Variants in MROH2B observed in about 807,000 individuals in gnomAD.
MROH2B encodes maestro heat like repeat family member 2B, also known as maestro heat-like repeat-containing protein family member 2B.
A neutral mutation model predicts 208.6 loss-of-function variants in MROH2B; 177 were observed. That is an observed-to-expected ratio of 0.85 (90% CI 0.75 to 0.96). The LOEUF (loss-of-function observed/expected upper bound fraction) is 0.96. Among genes scored for constraint, MROH2B ranks in the 40% least tolerant of loss-of-function variants. The pLI is 0.00. For missense variants in MROH2B, 2,002 were observed against 1,878.7 expected (o/e 1.07, Z -1.21); for synonymous variants, 728 against 659.0 (o/e 1.10, Z -1.60).
chr5:41,015,911 G>T (rs1561280483), intron 28 of MROH2B, among the ~76,000 whole-genome samples: 1 of 152,234 alleles, frequency 6.6e-6, no homozygotes, highest in South Asian at 2.1e-4. Context: ...AAACTGAAAA[G>T]TAACTACTGT....
intron 15 of MROH2B, among the ~76,000 whole-genome samples, chr5:41,048,723 C>A (rs1743197837): frequency 6.6e-6 from 1 of 152,052 alleles, no homozygotes; most frequent in South Asian, 2.1e-4. Context: ...AAAGAATTAA[C>A]ACTTAGATAT....
At chr5:41,029,274 T>A (rs978639951) in intron 24 of MROH2B, among the ~76,000 whole-genome samples, 1 of 152,306 alleles carries the variant, frequency 6.6e-6, no homozygotes, top group Non-Finnish European at 1.5e-5. Flanking sequence ...TATCTTCTTT[T>A]GAGAAATGTC....
intron 21 of MROH2B, 82 bp from the exon 22 acceptor site, chr5:41,033,946 T>C: frequency 7.0e-7 from 1 of 1,423,364 alleles, no homozygotes; most frequent in Non-Finnish European, 9.4e-7. Flanking sequence ...GACTCACCCA[T>C]CAACCTGAAG....
chr5:41,061,613 C>A lies in MROH2B; in HGVS notation c.572G>T (p.Trp191Leu). The A allele has an allele frequency of 3.1e-6, 5 of 1,613,650 alleles. No individual in the cohort carries two copies. The highest frequency in any genetic ancestry group is 4.2e-6 in the Non-Finnish European group (5 of 1,179,734). Residue 191 changes from tryptophan (W) to leucine (L), a missense_variant, in exon 6 of 42, where the codon TGG (tryptophan) becomes TTG (leucine). Physicochemically the swap from Trp to Leu is moderately conservative, Grantham distance 61. Transcript: ENST00000399564. ...RLSDKIFMLFWYIMEKWAPLA... is the reference protein window; with the variant it reads ...RLSDKIFMLFLYIMEKWAPLA... Reference sequence around the variant, plus strand: ...AGGGGCCCACTTCTCCATTATATACCAGAACAGCATGAAGATCTTGTCAGA... The same window carrying A: ...AGGGGCCCACTTCTCCATTATATACAAGAACAGCATGAAGATCTTGTCAGA...
At chr5:41,070,738 C>T (rs1423391) in intron 1 of MROH2B, 87 bp downstream of exon 1, 526,284 of 1,366,132 alleles carry the variant, frequency 0.39, 104,677 homozygotes, top group Non-Finnish European at 0.41. Context: ...AATGACGCGC[C>T]ACTCCCAGCC....
At chr5:41,042,019 G>A (rs1307892353) in intron 19 of MROH2B, 73 bp downstream of exon 19, 10 of 733,770 alleles carry the variant, frequency 1.4e-5, no homozygotes, top group Middle Eastern at 2.4e-4. Context: ...TATAAAAGCT[G>A]TCAGAGGTTT....
In MROH2B at chr5:41,058,223, A is replaced by G. The variant is rs996865837; in HGVS notation, c.616-20T>C. On this transcript the variant is annotated intron_variant, in intron 6 of 41. Transcript: ENST00000399564. Reference sequence around the variant, plus strand: ...CAAAGTCTGTACAGGCAGCAAACAAATACCGTTTCTGAAACTTCCTTATGT... The same window carrying G: ...CAAAGTCTGTACAGGCAGCAAACAAGTACCGTTTCTGAAACTTCCTTATGT... The G allele has an allele frequency of 6.8e-6, 10 of 1,481,358 alleles. No individual in the cohort carries two copies. The highest frequency in any genetic ancestry group is 9.0e-6 in the Non-Finnish European group (10 of 1,109,634). 91.8% of individuals were successfully genotyped at this position (1,481,358 alleles called of 1,614,324 possible).
At chr5:41,033,013 CT>C in intron 23 of MROH2B, 27 bp downstream of exon 23, 6 of 1,611,984 alleles carry the variant, frequency 3.7e-6, no homozygotes, top group Non-Finnish European at 4.2e-6. Flanking sequence ...TACTCAGGGC[CT>C]TTCTTATTCC....
At chr5:41,058,037 C>A in intron 7 of MROH2B, 26 bp downstream of exon 7, 1 of 1,484,854 alleles carries the variant, frequency 6.7e-7, no homozygotes, top group Admixed American at 2.3e-5. Flanking sequence ...TTCTCTGATT[C>A]AGTTCCTTTA....
At chr5:41,069,532 C>A (rs1743917643) in intron 2 of MROH2B, among the ~76,000 whole-genome samples, 159 bp downstream of exon 2, 1 of 152,116 alleles carries the variant, frequency 6.6e-6, no homozygotes, top group Non-Finnish European at 1.5e-5. Context: ...ATTGCTTAAA[C>A]ATTACAATGA....
chr5:41,032,592 G>C, intron 24 of MROH2B, 150 bp downstream of exon 24: 1 of 658,024 alleles, frequency 1.5e-6, no homozygotes, highest in Middle Eastern at 2.6e-4. Context: ...TCTTTGGAAG[G>C]AGAAAAAGCC....
rs760329436 is a variant in MROH2B at position 41,057,166 on chromosome 5, G to A, written c.862C>T (p.Pro288Ser). Reference sequence around the variant, plus strand: ...TCATTTTCCTTTACTGGAGGCTCTGGAGCTCTGCAGATCTGAATGGGGGTG... The same window carrying A: ...TCATTTTCCTTTACTGGAGGCTCTGAAGCTCTGCAGATCTGAATGGGGGTG... ...INLLQQICRA[P>S]EPPVKENEMK... The change falls in exon 9 of 42, where the codon CCA becomes TCA. Residue 288 changes from proline to serine, a missense_variant. Physicochemically the swap from Pro to Ser is moderately conservative, Grantham distance 74 (BLOSUM62 -1). Coordinates refer to ENST00000399564, the MANE Select transcript of MROH2B (RefSeq NM_173489.5). The A allele has an allele frequency of 1.2e-6, 2 of 1,613,840 alleles. No homozygotes were observed. Among genetic ancestry groups the A allele is most frequent in the Admixed American group, 1.7e-5 (1 of 60,000 alleles).
intron 5 of MROH2B, among the ~76,000 whole-genome samples, 164 bp from the exon 6 acceptor site, chr5:41,061,888 G>A (rs945319752): frequency 6.6e-6 from 1 of 152,210 alleles, no homozygotes; most frequent in African/African-American, 2.4e-5. Context: ...AGCCACAAAA[G>A]TGAAATGCAA....
chr5:40,998,283 T>G (rs1741273586), intron 41 of MROH2B, 125 bp from the exon 42 acceptor site: 5 of 688,090 alleles, frequency 7.3e-6, no homozygotes, highest in Non-Finnish European at 1.3e-5. Flanking sequence ...CAGGTCCTCA[T>G]GCTCACATTT....
At chr5:41,038,585 C>T (rs999128137) in intron 21 of MROH2B, 151 bp downstream of exon 21, 4 of 649,344 alleles carry the variant, frequency 6.2e-6, no homozygotes, top group African/African-American at 1.8e-5. Context: ...GCATAGTAAT[C>T]CACGAGACAT....
Position 41,015,481 on chromosome 5 carries a change from A to C in MROH2B, c.2885-3T>G. 6.2e-7 allele frequency: 1 copy of C among 1,613,108 alleles called. No homozygotes were observed. The highest frequency in any genetic ancestry group is 8.5e-7 in the Non-Finnish European group (1 of 1,179,390). On this transcript the variant is annotated splice_polypyrimidine_tract_variant and splice_region_variant and intron_variant, in intron 28 of 41. Transcript: ENST00000399564. ...TCTTTCCACTTCCAAGTGAATGCCT[A>C]AAATCAACAAAGTGAGAAATGTTTA...
intron 21 of MROH2B, among the ~76,000 whole-genome samples, chr5:41,035,995 T>C (rs325835): frequency 0.77 from 116,537 of 151,944 alleles, 45,021 homozygotes; most frequent in Non-Finnish European, 0.81. Context: ...TGGGAATATA[T>C]TAAAAAAATG....
chr5:41,018,687 T>C lies in MROH2B; in HGVS notation c.2673+4A>G, dbSNP rs1742038615. 1 of 1,613,502 alleles carries C rather than the reference T, an allele frequency of 6.2e-7. No individual in the cohort carries two copies. Among genetic ancestry groups the C allele is most frequent in the African/African-American group, 1.3e-5 (1 of 74,916 alleles). On this transcript the variant is annotated splice_donor_region_variant and intron_variant, in intron 26 of 41. Coordinates refer to ENST00000399564, the MANE Select transcript of MROH2B (RefSeq NM_173489.5). ...GAATCAGTTTGAGTGGAGGCTCTACTCACATTAAACATTTCTTGACAGTCC... is the reference window on the plus strand; with the variant it reads ...GAATCAGTTTGAGTGGAGGCTCTACCCACATTAAACATTTCTTGACAGTCC...
chr5:41,061,609 A>C lies in MROH2B; in HGVS notation c.576T>G (p.Tyr192Ter). 1 of 1,613,910 alleles carries C rather than the reference A, an allele frequency of 6.2e-7. No homozygotes were observed. The highest frequency in any genetic ancestry group is 8.5e-7 in the Non-Finnish European group (1 of 1,179,836). The change falls in exon 6 of 42, where the codon TAT (tyrosine) becomes TAG (stop). Residue 192 changes from tyrosine (Y) to a stop codon, truncating the protein, a stop_gained. Transcript: ENST00000399564. LOFTEE classifies it high-confidence loss of function. The stretch of plus-strand genomic sequence containing the variant: ...CCAAAGGGGCCCACTTCTCCATTAT[A>C]TACCAGAACAGCATGAAGATCTTGT... ...LSDKIFMLFW[Y>*]IMEKWAPLAS...
Sources: allele counts gnomAD v4.1 joint callset (sites outside exome capture counted in the v4.1 genomes callset), GRCh38; gene constraint gnomAD v4.1.1; transcripts MANE v1.5; gene names NCBI Gene and HGNC (gene_info 2026-07-23, HGNC 2026-07-21).